The following ORC2 variants were observed in gnomAD, a reference collection of about 807,000 sequenced individuals.
ORC2 encodes the protein origin recognition complex protein 2 homolog.
ORC2 carries 37 observed loss-of-function variants against 77.7 expected under a neutral mutation model. That is an observed-to-expected ratio of 0.48 (90% CI 0.37 to 0.63). The LOEUF (loss-of-function observed/expected upper bound fraction) is 0.63. ORC2 is among the 20% of genes least tolerant of loss of function. The pLI is 0.00. For missense variants in ORC2, 557 were observed against 661.9 expected, an observed-to-expected ratio of 0.84 and a Z score of 1.74; for synonymous variants, 201 against 229.5, an observed-to-expected ratio of 0.88 and a Z score of 1.12.
chr2:200,926,031 G>A, intron 12 of ORC2, 99 bp from the exon 13 acceptor site: 4 of 491,144 alleles, frequency 8.1e-6, no homozygotes, highest in Admixed American at 3.0e-5. Flanking sequence ...AAATGAATTT[G>A]GATTTCCCAA....
rs750772772 is a variant in ORC2, at chr2:200,920,981, CAATT to C, written c.1294+8_1294+11del. On this transcript the variant is annotated splice_region_variant and intron_variant, in intron 14 of 17. Coordinates refer to ENST00000234296, the MANE Select transcript of ORC2 (RefSeq NM_006190.5). ...ATATCTCTAGAAGGAAAAATAGTAA[CAATT>C]AACTTACTGAGAGGAGCATTGAGGT... 5.3e-6 allele frequency: 8 copies of C among 1,520,176 alleles called. No individual in the cohort carries two copies. Among genetic ancestry groups the C allele is most frequent in the South Asian group, 2.8e-5 (2 of 72,310 alleles). The allele number at this position is 1,520,176 out of a possible 1,614,324, so 94.2% of individuals were successfully genotyped here.
chr2:200,949,206 A>G (rs188368052), intron 5 of ORC2, among the ~76,000 whole-genome samples: 12 of 151,466 alleles, frequency 7.9e-5, no homozygotes, highest in Admixed American at 2.0e-4. Context: ...GCACCACTGC[A>G]CTCCAGCTTG....
intron 10 of ORC2, among the ~76,000 whole-genome samples, chr2:200,931,799 A>G (rs11899985): frequency 0.031 from 4,704 of 152,250 alleles, 263 homozygotes; most frequent in African/African-American, 0.11. Context: ...AAATAAACCT[A>G]TATCACTGCT....
intron 4 of ORC2, among the ~76,000 whole-genome samples, chr2:200,955,837 G>A (rs1034140402): frequency 6.6e-6 from 1 of 152,066 alleles, no homozygotes; most frequent in Non-Finnish European, 1.5e-5. Context: ...CTTGTACCCA[G>A]GAAAAACCTA....
chr2:200,944,992 C>T (rs1158816867), intron 5 of ORC2, among the ~76,000 whole-genome samples: 1 of 152,120 alleles, frequency 6.6e-6, no homozygotes, highest in Non-Finnish European at 1.5e-5. Flanking sequence ...TTTATGTAGC[C>T]ACACCATCCA....
At chr2:200,959,147 C>T (rs1011457157) in intron 2 of ORC2, among the ~76,000 whole-genome samples, 1 of 152,090 alleles carries the variant, frequency 6.6e-6, no homozygotes. Context: ...CCATGCTTGG[C>T]AGGTTTTCCT....
chr2:200,918,392 C>T (rs2040695444), intron 15 of ORC2, among the ~76,000 whole-genome samples: 1 of 151,954 alleles, frequency 6.6e-6, no homozygotes, highest in Non-Finnish European at 1.5e-5. Context: ...AAGTATTATG[C>T]CATCTTGACC....
chr2:200,915,040 A>T (rs2040619604), intron 15 of ORC2, among the ~76,000 whole-genome samples: 1 of 91,314 alleles, frequency 1.1e-5, no homozygotes. Context: ...TTTGAGACAG[A>T]GTTTCGCTCT....
At chr2:200,939,860 T>C (rs1355910592) in intron 7 of ORC2, among the ~76,000 whole-genome samples, 2 of 152,196 alleles carry the variant, frequency 1.3e-5, no homozygotes, top group Admixed American at 1.3e-4. Flanking sequence ...AAATTCTTGA[T>C]TAGATTATGG....
At chr2:200,926,473 T>C (rs1230700444) in intron 12 of ORC2, among the ~76,000 whole-genome samples, 1 of 152,236 alleles carries the variant, frequency 6.6e-6, no homozygotes, top group Non-Finnish European at 1.5e-5. Flanking sequence ...TTTCATAGTT[T>C]ATAACAAAAC....
intron 10 of ORC2, among the ~76,000 whole-genome samples, chr2:200,932,031 A>G (rs1183536558): frequency 1.3e-5 from 2 of 152,128 alleles, no homozygotes; most frequent in Non-Finnish European, 2.9e-5. Context: ...TGATTCCACC[A>G]CCTTTCAAGT....
At chr2:200,952,384 C>T (rs1420432239) in intron 4 of ORC2, among the ~76,000 whole-genome samples, 1 of 152,028 alleles carries the variant, frequency 6.6e-6, no homozygotes. Flanking sequence ...CTCCACCTCC[C>T]GAGTAGCTGG....
At chr2:200,935,950 TGGGGTAAAGCAAAGAGTG>T in intron 8 of ORC2, 58 bp from the exon 9 acceptor site, 2 of 1,485,150 alleles carry the variant, frequency 1.3e-6, no homozygotes, top group Non-Finnish European at 1.8e-6. Flanking sequence ...AGAGGCATTG[TGGGGTAAAGCAAAGAGTG>T]GGGGCTCTGT....
In ORC2 at chr2:200,919,159, T is replaced by C. The variant is rs111403011; in HGVS notation, c.1466+1063A>G. The stretch of plus-strand genomic sequence containing the variant: ...TAACACATTTCTAACTTGGAAAGAA[T>C]TGCTACTCTTATAATATTTAATCTA... On this transcript the variant is annotated intron_variant, in intron 15 of 17. Coordinates refer to ENST00000234296, the MANE Select transcript of ORC2 (RefSeq NM_006190.5). Among the ~76,000 whole-genome samples, 704 of 152,352 alleles carry C rather than the reference T, an allele frequency of 4.6e-3. 3 individuals are homozygous for C. Among genetic ancestry groups the C allele is most frequent in the African/African-American group, 0.016 (658 of 41,582 alleles).
intron 15 of ORC2, among the ~76,000 whole-genome samples, chr2:200,914,226 CAT>C (rs2040602138): frequency 6.8e-6 from 1 of 147,492 alleles, no homozygotes; most frequent in Non-Finnish European, 1.5e-5. Flanking sequence ...AATGCAGTGG[CAT>C]GATCTTGGCT....
At chr2:200,931,263 G>T (rs2040933293) in intron 11 of ORC2, 76 bp downstream of exon 11, 4 of 615,290 alleles carry the variant, frequency 6.5e-6, no homozygotes, top group Non-Finnish European at 8.0e-6. Context: ...AAAGAAAAAT[G>T]TTAACTTACT....
chr2:200,937,070 G>A lies in ORC2; in HGVS notation c.514+836C>T, dbSNP rs190304059. 9.6e-4 allele frequency among the ~76,000 whole-genome samples: 146 copies of A among 152,068 alleles called. 1 individual carries two copies. The highest frequency in any genetic ancestry group is 3.0e-3 in the African/African-American group (123 of 41,488). On this transcript the variant is annotated intron_variant, in intron 8 of 17. Transcript: ENST00000234296. ...TTCAGGTGTGCATTGACTGCTGCTCGTGGTACATGCACAGTTAGAAGTGGT... is the reference window on the plus strand; with the variant it reads ...TTCAGGTGTGCATTGACTGCTGCTCATGGTACATGCACAGTTAGAAGTGGT...
Position 200,926,770 on chromosome 2 carries a change from A to G in ORC2, c.1048T>C (p.Ser350Pro), listed in dbSNP as rs1430454167. The change falls in exon 12 of 18, where the codon TCA (serine) becomes CCA (proline). Residue 350 changes from serine to proline, a missense_variant and splice_region_variant. Physicochemically the swap from Ser to Pro is moderately conservative, Grantham distance 74. Transcript: ENST00000234296. ...CCTTTAACATTTTTGAAACTTACTG[A>G]TTTCACACTGATTCCAGGAAAGAAG... is the stretch of plus-strand genomic sequence containing the variant. ...NGFFPGISVK[S>P]VLNSITEEVL... 6.2e-7 allele frequency: 1 copy of G among 1,613,714 alleles called. No homozygotes were observed. The highest frequency in any genetic ancestry group is 8.5e-7 in the Non-Finnish European group (1 of 1,179,878).
At position 200,925,258 on chromosome 2, in the gene ORC2, C is replaced by T. The variant is rs1167022314; in HGVS notation, c.1147+578G>A. ...AGGAGAATTGCTTGAACCCGGGAGG[C>T]GGAGGTTGCAGTGAGCCAAAATCGT... On this transcript the variant is annotated intron_variant, in intron 13 of 17. Transcript: ENST00000234296. Among the ~76,000 whole-genome samples, 5 of 151,844 alleles carry T rather than the reference C, an allele frequency of 3.3e-5. No homozygotes were observed. The East Asian group carries it at 5.9e-4, about 18-fold the overall frequency.
Sources: allele counts gnomAD v4.1 joint callset (sites outside exome capture counted in the v4.1 genomes callset), GRCh38; gene constraint gnomAD v4.1.1; transcripts MANE v1.5; gene names NCBI Gene and HGNC (gene_info 2026-07-23, HGNC 2026-07-21).